The following ALG6 variants were observed in gnomAD, a reference collection of about 807,000 sequenced individuals.
ALG6 encodes dolichyl pyrophosphate Man9GlcNAc2 alpha-1,3-glucosyltransferase.
A neutral mutation model predicts 66.6 loss-of-function variants in ALG6; 46 were observed. That is an observed-to-expected ratio of 0.69 (90% CI 0.55 to 0.88). The LOEUF (loss-of-function observed/expected upper bound fraction) is 0.88, where lower values mean the gene tolerates loss of function less well. Among genes scored for constraint, ALG6 ranks in the 40% least tolerant of loss-of-function variants. The pLI is 0.00. For missense variants in ALG6, 505 were observed against 586.8 expected, an observed-to-expected ratio of 0.86 and a Z score of 1.44; for synonymous variants, 185 against 203.7, an observed-to-expected ratio of 0.91 and a Z score of 0.78.
At chr1:63,423,995 G>A (rs977409082) in intron 12 of ALG6, among the ~76,000 whole-genome samples, 2 of 152,138 alleles carry the variant, frequency 1.3e-5, no homozygotes, top group Non-Finnish European at 2.9e-5. Context: ...CCATCATTTT[G>A]ATTATAGCCA....
At chr1:63,400,255 GTATA>G (rs1293021518) in intron 3 of ALG6, among the ~76,000 whole-genome samples, 1 of 2,630 alleles carries the variant, frequency 3.8e-4, no homozygotes, top group Admixed American at 0.011. Context: ...GTATATATAT[GTATA>G]TATATATACG....
At chr1:63,382,769 G>A (rs35071114) in intron 2 of ALG6, among the ~76,000 whole-genome samples, 21,134 of 147,914 alleles carry the variant, frequency 0.14, 1,595 homozygotes, top group Middle Eastern at 0.26. Context: ...TCTGCCTCCC[G>A]GGTTCATGCC....
chr1:63,375,436 T>TTC (rs1274108250), intron 2 of ALG6, among the ~76,000 whole-genome samples: 1 of 144,626 alleles, frequency 6.9e-6, no homozygotes, highest in African/African-American at 2.8e-5. Context: ...TTTTTTTTTT[T>TTC]TCCAGTAGAG....
chr1:63,383,946 T>G (rs1648416765), intron 2 of ALG6, among the ~76,000 whole-genome samples: 1 of 152,224 alleles, frequency 6.6e-6, no homozygotes, highest in Non-Finnish European at 1.5e-5. Flanking sequence ...CCTGGCTTGT[T>G]TCACTTAACA....
intron 7 of ALG6, among the ~76,000 whole-genome samples, chr1:63,409,343 C>T (rs1308380610): frequency 6.6e-6 from 1 of 152,118 alleles, no homozygotes; most frequent in East Asian, 1.9e-4. Flanking sequence ...GATATCCAAA[C>T]CGTATATGGG....
Position 63,411,253 on chromosome 1 carries a change from A to G in ALG6, c.602A>G (p.Gln201Arg), listed in dbSNP as rs1644514423. 2 of 1,614,052 alleles carry G rather than the reference A, an allele frequency of 1.2e-6. No homozygotes were observed. Among genetic ancestry groups the G allele is most frequent in the Non-Finnish European group, 1.7e-6 (2 of 1,179,926 alleles). The change falls in exon 8 of 15, where the codon CAG becomes CGG. Residue 201 changes from glutamine (Q) to arginine (R), a missense_variant. By Grantham distance (43) the Gln-to-Arg change is conservative (BLOSUM62 1). Transcript: ENST00000263440. ...TTTTGCTTAGCTATAAATTATAAACAGATGGAACTTTACCACGCCTTGCCA... is the reference window on the plus strand; with the variant it reads ...TTTTGCTTAGCTATAAATTATAAACGGATGGAACTTTACCACGCCTTGCCA... The part of the protein sequence containing the change: ...LAFCLAINYK[Q>R]MELYHALPFF...
intron 3 of ALG6, among the ~76,000 whole-genome samples, chr1:63,400,222 CGTAT>C (rs1293789703): frequency 9.8e-4 from 12 of 12,242 alleles, no homozygotes; most frequent in Admixed American, 4.2e-3. Context: ...TATATATATA[CGTAT>C]ATATATATAT....
rs1644629493 is a variant in ALG6, at chr1:63,428,647, C to G, written c.1059-86C>G. The stretch of plus-strand genomic sequence containing the variant: ...TTTTAAGCTACCGCTGAAAATCAGA[C>G]AGATAAAATGTATTTATATTTTTTA... On this transcript the variant is annotated intron_variant, in intron 12 of 14. Coordinates refer to ENST00000263440, the MANE Select transcript of ALG6 (RefSeq NM_013339.4). 3 of 1,035,046 alleles carry G rather than the reference C, an allele frequency of 2.9e-6. No homozygotes were observed. The South Asian group carries it at 4.5e-5, about 16-fold the overall frequency. The allele number at this position is 1,035,046 out of a possible 1,614,324, so 64.1% of individuals were successfully genotyped here.
At chr1:63,413,119 T>A (rs952408926) in intron 9 of ALG6, among the ~76,000 whole-genome samples, 1 of 152,164 alleles carries the variant, frequency 6.6e-6, no homozygotes, top group South Asian at 2.1e-4. Context: ...TTACAGTAGC[T>A]TTGTGGTAGC....
At chr1:63,414,790 A>G (rs1236018568) in intron 10 of ALG6, among the ~76,000 whole-genome samples, 1 of 152,192 alleles carries the variant, frequency 6.6e-6, no homozygotes, top group Non-Finnish European at 1.5e-5. Context: ...GTGTGTGTGA[A>G]TTCGTGACAA....
rs1647904316 is a variant in ALG6 at position 63,370,931 on chromosome 1, C to G, written c.-47C>G. On this transcript the variant is annotated 5_prime_UTR_variant, in exon 2 of 15. Transcript: ENST00000263440. ...TGATTGACCACGTTTTAAAAGTACT[C>G]TGGCACTGGTGCTGTGTTTTCTTCC... The G allele has an allele frequency of 1.8e-6, 2 of 1,130,500 alleles. No individual in the cohort carries two copies. Among genetic ancestry groups the G allele is most frequent in the African/African-American group, 1.5e-5 (1 of 65,582 alleles). 70.0% of individuals were successfully genotyped at this position (1,130,500 alleles called of 1,614,324 possible). A position where few individuals can be genotyped will look rare whatever the true frequency, so the allele number is the denominator to read the frequency against.
intron 12 of ALG6, among the ~76,000 whole-genome samples, chr1:63,422,232 AATAT>A (rs1161689398): frequency 2.4e-5 from 1 of 40,894 alleles, no homozygotes; most frequent in Non-Finnish European, 3.7e-5. Flanking sequence ...TATAAATATA[AATAT>A]ATATATAAAT....
At chr1:63,408,607 C>A (rs1644501608) in intron 7 of ALG6, among the ~76,000 whole-genome samples, 1 of 152,110 alleles carries the variant, frequency 6.6e-6, no homozygotes, top group Non-Finnish European at 1.5e-5. Flanking sequence ...GCAGCATGTA[C>A]CAATTAAGAC....
At chr1:63,382,660 T>G (rs12758744) in intron 2 of ALG6, among the ~76,000 whole-genome samples, 19 of 91,642 alleles carry the variant, frequency 2.1e-4, no homozygotes, top group African/African-American at 9.5e-4. Flanking sequence ...TGTTTGTTTT[T>G]TTTTGTTTTT....
chr1:63,429,334 A>G (rs2100441106), intron 14 of ALG6, among the ~76,000 whole-genome samples: 1 of 152,308 alleles, frequency 6.6e-6, no homozygotes, highest in African/African-American at 2.4e-5. Context: ...TGTCACTCCC[A>G]GAAGAAATTC....
At chr1:63,429,854 T>G (rs1456505604) in intron 14 of ALG6, 1 of 142,192 alleles carries the variant, frequency 7.0e-6, no homozygotes, top group Non-Finnish European at 1.5e-5. Context: ...TCACTTAGTG[T>G]GTGTGTGTGT....
Position 63,414,977 on chromosome 1 carries a change from A to G in ALG6, c.902+831A>G, listed in dbSNP as rs114426679. ...TTGATTAAGTTAGGCGCCTCAGGAC[A>G]AGATCCCTTTTGATTAATTTAAAAT... is the stretch of plus-strand genomic sequence containing the variant. On this transcript the variant is annotated intron_variant, in intron 10 of 14. Transcript: ENST00000263440. Among the ~76,000 whole-genome samples, 596 of 152,330 alleles carry G rather than the reference A, an allele frequency of 3.9e-3. 4 individuals are homozygous for G. The highest frequency in any genetic ancestry group is 0.013 in the African/African-American group (546 of 41,584).
At chr1:63,405,086 A>T (rs557047926) in intron 5 of ALG6, among the ~76,000 whole-genome samples, 1 of 152,242 alleles carries the variant, frequency 6.6e-6, no homozygotes, top group East Asian at 1.9e-4. Flanking sequence ...AGAGCTTTAC[A>T]TGACTTATGC....
At chr1:63,407,199 C>CGACAGCA in intron 7 of ALG6, 73 bp downstream of exon 7, 2 of 1,093,444 alleles carry the variant, frequency 1.8e-6, no homozygotes, top group Non-Finnish European at 2.8e-6. Flanking sequence ...ACATTGCTGT[C>CGACAGCA]ATCTAGTAAT....
Sources: gnomAD v4.1 joint callset for allele counts (sites outside exome capture counted in the v4.1 genomes callset) on GRCh38, gnomAD v4.1.1 for gene constraint, MANE v1.5 for transcripts, NCBI Gene and HGNC (gene_info 2026-07-23, HGNC 2026-07-21) for gene names.